Variants in NELL1 observed in about 807,000 individuals in gnomAD.
The protein encoded by NELL1 is protein kinase C-binding protein NELL1.
In NELL1, 76 loss-of-function variants were observed where a neutral mutation model predicts 107.4. The observed-to-expected ratio is 0.71, with a 90% confidence interval of 0.59 to 0.86. The LOEUF is 0.86. Ranked by LOEUF, NELL1 falls within the 40% of genes least tolerant of loss-of-function variation. The pLI is 0.00. For missense variants in NELL1, 1,024 were observed against 1,005.5 expected, an observed-to-expected ratio of 1.02 and a Z score of -0.25; for synonymous variants, 353 against 341.2, an observed-to-expected ratio of 1.03 and a Z score of -0.38.
intron 12 of NELL1, among the ~76,000 whole-genome samples, chr11:20,976,815 T>C (rs1851646000): frequency 6.6e-6 from 1 of 152,168 alleles, no homozygotes. Context: ...TTCCTAAAAA[T>C]CTCTGTATAT....
At chr11:20,795,720 C>G (rs1857156254) in intron 3 of NELL1, among the ~76,000 whole-genome samples, 1 of 151,806 alleles carries the variant, frequency 6.6e-6, no homozygotes, top group South Asian at 2.1e-4. Flanking sequence ...AAAAAGCTTC[C>G]CATGGAATCC....
At chr11:21,082,211 ACTC>A (rs1565049510) in intron 12 of NELL1, among the ~76,000 whole-genome samples, 1 of 152,004 alleles carries the variant, frequency 6.6e-6, no homozygotes, top group African/African-American at 2.4e-5. Flanking sequence ...TGCATCCTGA[ACTC>A]CTAGAGGGCT....
At chr11:21,529,360 C>T (rs910122986) in intron 15 of NELL1, among the ~76,000 whole-genome samples, 3 of 152,144 alleles carry the variant, frequency 2.0e-5, no homozygotes, top group African/African-American at 4.8e-5. Flanking sequence ...AAGCATGCTC[C>T]AGGCACATCC....
chr11:21,404,952 C>G (rs992994489), intron 15 of NELL1, among the ~76,000 whole-genome samples: 3 of 152,020 alleles, frequency 2.0e-5, no homozygotes, highest in African/African-American at 7.2e-5. Flanking sequence ...GACAGATTAC[C>G]TATTCTAGGT....
chr11:21,529,609 T>C (rs991774217), intron 15 of NELL1, among the ~76,000 whole-genome samples: 3 of 152,200 alleles, frequency 2.0e-5, no homozygotes, highest in Admixed American at 6.6e-5. Context: ...ATTTATAGAT[T>C]CTATTCCTGA....
intron 12 of NELL1, among the ~76,000 whole-genome samples, chr11:21,103,922 C>T (rs1210026392): frequency 6.6e-6 from 1 of 152,172 alleles, no homozygotes; most frequent in Non-Finnish European, 1.5e-5. Context: ...GACTGCCTCT[C>T]TGCTGGATTG....
At chr11:21,252,071 A>T (rs1858653501) in intron 14 of NELL1, among the ~76,000 whole-genome samples, 1 of 152,146 alleles carries the variant, frequency 6.6e-6, no homozygotes, top group Non-Finnish European at 1.5e-5. Flanking sequence ...TGCTCCATTT[A>T]ATTCTTGCTA....
intron 14 of NELL1, among the ~76,000 whole-genome samples, chr11:21,277,987 A>T (rs540542147): frequency 6.6e-6 from 1 of 152,300 alleles, no homozygotes; most frequent in African/African-American, 2.4e-5. Flanking sequence ...AACATGGCAC[A>T]TGTATGCATA....
At chr11:20,711,607 T>G (rs927401727) in intron 2 of NELL1, among the ~76,000 whole-genome samples, 1 of 152,154 alleles carries the variant, frequency 6.6e-6, no homozygotes, top group African/African-American at 2.4e-5. Context: ...ATTTTTTTTT[T>G]GTCTGAAAAA....
intron 2 of NELL1, among the ~76,000 whole-genome samples, chr11:20,710,339 G>A (rs1018119458): frequency 1.3e-5 from 2 of 152,112 alleles, no homozygotes; most frequent in Non-Finnish European, 2.9e-5. Flanking sequence ...TCTGTGTGAT[G>A]TAGCACATTT....
intron 17 of NELL1, among the ~76,000 whole-genome samples, chr11:21,561,074 C>T (rs1195151283): frequency 6.6e-6 from 1 of 152,026 alleles, no homozygotes; most frequent in Non-Finnish European, 1.5e-5. Context: ...TTGATCTTGC[C>T]TATTTATTTT....
chr11:21,440,944 A>C (rs1392748361), intron 15 of NELL1, among the ~76,000 whole-genome samples: 44 of 152,208 alleles, frequency 2.9e-4, no homozygotes. Context: ...TCTAACAACT[A>C]CATTTACCTG....
intron 12 of NELL1, among the ~76,000 whole-genome samples, chr11:21,064,618 A>T (rs1157479329): frequency 6.6e-6 from 1 of 152,086 alleles, no homozygotes; most frequent in Non-Finnish European, 1.5e-5. Context: ...GCCTGATTAT[A>T]TTAGCATATT....
intron 15 of NELL1, among the ~76,000 whole-genome samples, chr11:21,436,778 T>C (rs1427709624): frequency 3.9e-5 from 6 of 152,170 alleles, no homozygotes; most frequent in African/African-American, 1.2e-4. Flanking sequence ...CTATTAGTGC[T>C]GCTTTTTCTG....
At position 21,534,511 on chromosome 11, in the gene NELL1, A is replaced by G; in HGVS notation, c.1783A>G (p.Ile595Val). ...CTATTCACTGTCCGGGGAGTCCTGT[A>G]TTGGTAAGCAGCTTTCAGGCATGCC... is the stretch of plus-strand genomic sequence containing the variant. ...GTYSLSGESCIDIDECALRTH... is the reference protein window; with the variant it reads ...GTYSLSGESCVDIDECALRTH... The change falls in exon 16 of 20, where the codon ATT becomes GTT. Residue 595 changes from isoleucine (I) to valine (V), a missense_variant. By Grantham distance (29) the Ile-to-Val change is conservative. Transcript: ENST00000357134. 1 of 1,613,694 alleles carries G rather than the reference A, an allele frequency of 6.2e-7. No individual in the cohort carries two copies. Among genetic ancestry groups the G allele is most frequent in the Non-Finnish European group, 8.5e-7 (1 of 1,179,738 alleles).
intron 14 of NELL1, among the ~76,000 whole-genome samples, chr11:21,262,757 C>G (rs572703093): frequency 6.6e-6 from 1 of 151,924 alleles, no homozygotes; most frequent in South Asian, 2.1e-4. Flanking sequence ...CTGTTGGTCA[C>G]TCAGTGGACT....
chr11:21,072,987 T>C (rs1229916755), intron 12 of NELL1, among the ~76,000 whole-genome samples: 4 of 152,156 alleles, frequency 2.6e-5, no homozygotes, highest in African/African-American at 9.7e-5. Flanking sequence ...TTGCTCTTTC[T>C]TCCTTCATTT....
chr11:21,558,896 A>G (rs1030924286), intron 16 of NELL1, among the ~76,000 whole-genome samples: 1 of 152,082 alleles, frequency 6.6e-6, no homozygotes, highest in Non-Finnish European at 1.5e-5. Flanking sequence ...AAGGAGCACC[A>G]TATGTTCAAA....
chr11:20,869,038 C>T (rs535000468), intron 4 of NELL1, among the ~76,000 whole-genome samples: 9 of 152,122 alleles, frequency 5.9e-5, no homozygotes, highest in East Asian at 1.9e-4. Flanking sequence ...AAGGGTCCAG[C>T]GGTTGGAAGC....
Sources: allele counts gnomAD v4.1 joint callset (sites outside exome capture counted in the v4.1 genomes callset), GRCh38; gene constraint gnomAD v4.1.1; transcripts MANE v1.5; gene names NCBI Gene and HGNC (gene_info 2026-07-23, HGNC 2026-07-21).